EXPH5: variants seen among roughly 807,000 people sequenced by gnomAD.
EXPH5 encodes exophilin-5.
In EXPH5, 42 loss-of-function variants were observed where a neutral mutation model predicts 41.1. The observed-to-expected ratio is 1.02, with a 90% CI of 0.80 to 1.32. EXPH5 has a LOEUF of 1.32. EXPH5 is among the 40% of genes most tolerant of loss of function. The probability of loss-of-function intolerance (pLI) is 0.00; values close to 1 mark genes in which losing one functional copy is unlikely to be tolerated. For missense variants in EXPH5, 2,298 were observed against 2,314.5 expected (o/e 0.99, Z 0.15); for synonymous variants, 798 against 833.5 (o/e 0.96, Z 0.73).
intron 1 of EXPH5, among the ~76,000 whole-genome samples, chr11:108,557,573 C>G (rs2093995460): frequency 6.6e-6 from 1 of 152,152 alleles, no homozygotes; most frequent in Non-Finnish European, 1.5e-5. Context: ...GTCTTGAACT[C>G]CTGACCTCAA....
At chr11:108,528,695 CTTTTTTTTTT>C (rs58500316) in intron 3 of EXPH5, among the ~76,000 whole-genome samples, 2 of 106,328 alleles carry the variant, frequency 1.9e-5, no homozygotes, top group Non-Finnish European at 3.8e-5. Context: ...TTTTCTTTCC[CTTTTTTTTTT>C]TTTTTTTTTT....
At chr11:108,559,867 A>G (rs1164904421) in intron 1 of EXPH5, among the ~76,000 whole-genome samples, 5 of 152,218 alleles carry the variant, frequency 3.3e-5, no homozygotes, top group Non-Finnish European at 7.3e-5. Context: ...CTCATACTGT[A>G]ATTAAAATCC....
At position 108,510,642 on chromosome 11, in the gene EXPH5, T is replaced by C; in HGVS notation, c.4865A>G (p.Gln1622Arg). ...GTCAAAGCCAGATCTGCTTCCACTT[T>C]GGGGGAAGATAGTAGCTACATGTCT... The part of the protein sequence containing the change: ...PRRHVATIFP[Q>R]SGSRSGFDHL... Residue 1622 changes from glutamine (Q) to arginine (R), a missense_variant, in exon 6 of 6, where the codon CAA becomes CGA. Physicochemically the swap from Gln to Arg is conservative, Grantham distance 43 (BLOSUM62 1). Coordinates refer to ENST00000265843, the MANE Select transcript of EXPH5 (RefSeq NM_015065.3). 1 of 1,614,204 alleles carries C rather than the reference T, an allele frequency of 6.2e-7. No individual in the cohort carries two copies. Among genetic ancestry groups the C allele is most frequent in the Non-Finnish European group, 8.5e-7 (1 of 1,180,030 alleles).
At chr11:108,545,278 G>A (rs1253822326) in intron 1 of EXPH5, among the ~76,000 whole-genome samples, 1 of 152,104 alleles carries the variant, frequency 6.6e-6, no homozygotes, top group Non-Finnish European at 1.5e-5. Flanking sequence ...GCCAGGCGTG[G>A]TTGCTTGCAC....
chr11:108,570,225 T>G (rs1374167993), intron 1 of EXPH5, among the ~76,000 whole-genome samples: 1 of 72,160 alleles, frequency 1.4e-5, no homozygotes, highest in Non-Finnish European at 2.8e-5. Context: ...ATAGCATTTT[T>G]AATTTTTATT....
chr11:108,542,274 GA>G lies in EXPH5; in HGVS notation c.120-463del, dbSNP rs375562966. On this transcript the variant is annotated intron_variant, in intron 1 of 5. Transcript: ENST00000265843. ...AGGAGCAGCATAATCTGTAAGTCTA[GA>G]AAAAAAATGGCTCTAATCAGAATTT... is the stretch of plus-strand genomic sequence containing the variant. 1.6e-3 allele frequency among the ~76,000 whole-genome samples: 239 copies of G among 150,278 alleles called. 1 individual carries two copies. The highest frequency in any genetic ancestry group is 5.5e-3 in the African/African-American group (227 of 41,076).
intron 5 of EXPH5, among the ~76,000 whole-genome samples, chr11:108,515,843 C>T (rs569783196): frequency 6.6e-6 from 1 of 151,940 alleles, no homozygotes; most frequent in African/African-American, 2.4e-5. Context: ...GAGGCCGAGG[C>T]GGGCGGATCA....
chr11:108,590,684 C>T (rs76757507), intron 1 of EXPH5, among the ~76,000 whole-genome samples: 1,860 of 152,294 alleles, frequency 0.012, 40 homozygotes, highest in African/African-American at 0.04. Context: ...AGGGTCTCTA[C>T]TGTGTCACTC....
chr11:108,600,341 T>C, the EXPH5 span, among the ~76,000 whole-genome samples: 35 of 152,344 alleles, frequency 2.3e-4, no homozygotes, highest in East Asian at 6.7e-3. Context: ...TGGCTCCAAC[T>C]AAACCTGAAG....
At chr11:108,547,311 A>G (rs2093943136) in intron 1 of EXPH5, among the ~76,000 whole-genome samples, 4 of 152,114 alleles carry the variant, frequency 2.6e-5, no homozygotes, top group Admixed American at 1.3e-4. Context: ...CTCCTGCCTC[A>G]GCCTCCTGAG....
intron 1 of EXPH5, among the ~76,000 whole-genome samples, chr11:108,570,199 G>C (rs2094053566): frequency 6.6e-6 from 1 of 151,872 alleles, no homozygotes; most frequent in Non-Finnish European, 1.5e-5. Flanking sequence ...TGAAGTTCAG[G>C]TAAGCTGAGA....
chr11:108,513,359 C>T lies in EXPH5; in HGVS notation c.2148G>A (p.Lys716=). Residue 716 remains lysine (K), a synonymous_variant, in exon 6 of 6, where the codon AAG becomes AAA. Transcript: ENST00000265843. The stretch of plus-strand genomic sequence containing the variant: ...CACCTGCCTTGTTTGTCTGGTCCAT[C>T]TTGCTTAGCTGTTTGTCTTCTTCTG... ...SISEEDKQLS[K]MDQTNKAGEI... is the part of the protein sequence containing the mutation. 6.2e-7 allele frequency: 1 copy of T among 1,614,096 alleles called. No individual in the cohort carries two copies. The highest frequency in any genetic ancestry group is 8.5e-7 in the Non-Finnish European group (1 of 1,179,986).
intron 4 of EXPH5, among the ~76,000 whole-genome samples, chr11:108,524,475 G>A (rs1376438009): frequency 6.6e-6 from 1 of 152,160 alleles, no homozygotes; most frequent in Non-Finnish European, 1.5e-5. Flanking sequence ...GTATCCCACA[G>A]GATGAGAGGC....
In EXPH5 at chr11:108,514,317, A is replaced by T. The variant is rs148898484; in HGVS notation, c.1190T>A (p.Ile397Asn). 3.7e-5 allele frequency: 59 copies of T among 1,613,296 alleles called. No individual in the cohort carries two copies. The African/African-American group carries it at 7.9e-4, about 22-fold the overall frequency. The change falls in exon 6 of 6, where the codon ATT (isoleucine) becomes AAT (asparagine). Residue 397 changes from isoleucine to asparagine, a missense_variant. By Grantham distance (149) the Ile-to-Asn change is moderately radical (BLOSUM62 -3). Coordinates refer to ENST00000265843, the MANE Select transcript of EXPH5 (RefSeq NM_015065.3). ...EFLRAPSPME[I>N]DPADKYVYPR... ...ATACACATACTTGTCAGCGGGATCAATTTCCATTGGTGATGGTGCCCTCAG... is the reference window on the plus strand; with the variant it reads ...ATACACATACTTGTCAGCGGGATCATTTTCCATTGGTGATGGTGCCCTCAG...
Position 108,579,452 on chromosome 11 carries a change from A to G in EXPH5, c.119+13966T>C, listed in dbSNP as rs538290100. Among the ~76,000 whole-genome samples, 486 of 150,168 alleles carry G rather than the reference A, an allele frequency of 3.2e-3. 1 individual carries two copies. Among genetic ancestry groups the G allele is most frequent in the Non-Finnish European group, 5.1e-3 (346 of 67,492 alleles). ...ATTTTTGCATTGATGTTTATTAGTT[A>G]TTGGCTTATAGTTTTCTTTCCTCAC... On this transcript the variant is annotated intron_variant, in intron 1 of 5. Transcript: ENST00000265843.
rs942594890 is a variant in EXPH5 at position 108,512,914 on chromosome 11, T to C, written c.2593A>G (p.Lys865Glu). The C allele has an allele frequency of 6.2e-7, 1 of 1,613,474 alleles. No individual in the cohort carries two copies. Among genetic ancestry groups the C allele is most frequent in the Non-Finnish European group, 8.5e-7 (1 of 1,179,784 alleles). ...GAGGTCTTGTGGCCAGGAGTTAACT[T>C]GCATTTTGAGTATTGTGCATTTTGA... ...DTQNAQYSKCKLTPGHKTSCD... is the reference protein window; with the variant it reads ...DTQNAQYSKCELTPGHKTSCD... The change falls in exon 6 of 6, where the codon AAG becomes GAG. Residue 865 changes from lysine (K) to glutamate (E), a missense_variant. Transcript: ENST00000265843.
In EXPH5 at chr11:108,530,567, T is replaced by A. The variant is rs932193148; in HGVS notation, c.444-2383A>T. ...CCGGGGACTGGCAAGTAATCCAATA[T>A]GCCTGGAGCCAGGACTACATGCCAG... On this transcript the variant is annotated intron_variant, in intron 3 of 5. Transcript: ENST00000265843. Among the ~76,000 whole-genome samples the A allele has an allele frequency of 3.3e-5, 5 of 152,296 alleles. No individual in the cohort carries two copies. In the East Asian group the frequency reaches 7.7e-4, roughly 23 times the overall value.
intron 1 of EXPH5, among the ~76,000 whole-genome samples, chr11:108,569,723 A>G (rs1377541859): frequency 6.6e-6 from 1 of 152,220 alleles, no homozygotes; most frequent in African/African-American, 2.4e-5. Flanking sequence ...CCAGGTTCAC[A>G]GTAGGATCTC....
intron 1 of EXPH5, among the ~76,000 whole-genome samples, chr11:108,573,444 A>G (rs937188159): frequency 6.6e-6 from 1 of 152,208 alleles, no homozygotes; most frequent in African/African-American, 2.4e-5. Context: ...TTAATGAACT[A>G]TGTATGTTGT....
Sources: allele counts gnomAD v4.1 joint callset (sites outside exome capture counted in the v4.1 genomes callset), GRCh38; gene constraint gnomAD v4.1.1; transcripts MANE v1.5; gene names NCBI Gene and HGNC (gene_info 2026-07-23, HGNC 2026-07-21).